Variants in CDH12 observed in about 807,000 individuals in gnomAD.
The protein encoded by CDH12 is cadherin 12.
CDH12 carries 41 observed loss-of-function variants against 74.1 expected under a neutral mutation model. The observed-to-expected ratio is 0.55, with a 90% CI of 0.43 to 0.72. The LOEUF is 0.72. Ranked by LOEUF, CDH12 falls within the 30% of genes least tolerant of loss-of-function variation. CDH12 has a pLI of 0.00. For missense variants in CDH12, 945 were observed against 977.2 expected (o/e 0.97, Z 0.44); for synonymous variants, 399 against 355.0 (o/e 1.12, Z -1.39).
intron 5 of CDH12, among the ~76,000 whole-genome samples, chr5:22,053,145 T>C (rs1164857208): frequency 1.3e-5 from 2 of 152,034 alleles, no homozygotes; most frequent in African/African-American, 4.8e-5. Context: ...TCTGATTTGT[T>C]AAAAATATTT....
rs1441351360 is a variant in CDH12 at position 22,203,352 on chromosome 5, A to C, written c.-187+9146T>G. On this transcript the variant is annotated intron_variant, in intron 4 of 14. Coordinates refer to ENST00000382254, the MANE Select transcript of CDH12 (RefSeq NM_004061.5). ...TGAGTGCAATCATGAGGTATTTGTC[A>C]TTCTGTGTCTGGCTTATTTCACTTA... 5.3e-5 allele frequency among the ~76,000 whole-genome samples: 8 copies of C among 152,178 alleles called. No individual in the cohort carries two copies. In the East Asian group the frequency reaches 1.5e-3, roughly 29 times the overall value.
intron 1 of CDH12, among the ~76,000 whole-genome samples, chr5:22,688,290 T>C (rs540658897): frequency 4.6e-5 from 7 of 152,338 alleles, no homozygotes; most frequent in African/African-American, 1.7e-4. Context: ...AATAAAATCG[T>C]TATTTGCCAA....
At chr5:22,067,563 TCTG>T (rs1741651310) in intron 5 of CDH12, among the ~76,000 whole-genome samples, 1 of 152,128 alleles carries the variant, frequency 6.6e-6, no homozygotes, top group African/African-American at 2.4e-5. Context: ...CGTAGACTGT[TCTG>T]CTGTTTAGGC....
At chr5:21,912,038 G>C (rs1210591983) in intron 6 of CDH12, among the ~76,000 whole-genome samples, 6 of 152,016 alleles carry the variant, frequency 3.9e-5, no homozygotes, top group African/African-American at 1.4e-4. Flanking sequence ...TTTTTGGTTT[G>C]TTTGTGTGTT....
At chr5:21,859,969 T>C (rs1750948301) in intron 6 of CDH12, among the ~76,000 whole-genome samples, 1 of 151,704 alleles carries the variant, frequency 6.6e-6, no homozygotes, top group African/African-American at 2.4e-5. Context: ...GCAGACACAA[T>C]TGGCCCGGAC....
intron 1 of CDH12, among the ~76,000 whole-genome samples, chr5:22,529,887 G>T (rs2126701462): frequency 6.6e-6 from 1 of 152,246 alleles, no homozygotes; most frequent in South Asian, 2.1e-4. Context: ...TGGACCCTCT[G>T]CAGGCTCACA....
chr5:21,763,822 C>A, intron 12 of CDH12, among the ~76,000 whole-genome samples: 1 of 152,184 alleles, frequency 6.6e-6, no homozygotes, highest in East Asian at 1.9e-4. Flanking sequence ...TTGTGGTCTT[C>A]TTTCCTCATA....
intron 1 of CDH12, among the ~76,000 whole-genome samples, chr5:22,533,792 G>T (rs1737701124): frequency 6.6e-6 from 1 of 152,066 alleles, no homozygotes; most frequent in Admixed American, 6.5e-5. Flanking sequence ...AAAACTAAAT[G>T]AAAGCTTTAA....
At chr5:22,755,228 A>C (rs1339813728) in intron 1 of CDH12, among the ~76,000 whole-genome samples, 1 of 152,188 alleles carries the variant, frequency 6.6e-6, no homozygotes, top group Non-Finnish European at 1.5e-5. Flanking sequence ...ATAATTTTCT[A>C]ATATCACTTT....
rs117576937 is a variant in CDH12 at position 22,774,105 on chromosome 5, C to G, written c.-523+78953G>C. 1.8e-4 allele frequency among the ~76,000 whole-genome samples: 28 copies of G among 152,204 alleles called. No individual in the cohort carries two copies. In the East Asian group the frequency reaches 4.5e-3, roughly 24 times the overall value. ...AGGAGTTTGAAAAGGAATTACCATT[C>G]AACCCAGCAATCCTATTACTTGGTA... On this transcript the variant is annotated intron_variant, in intron 1 of 14. Coordinates refer to ENST00000382254, the MANE Select transcript of CDH12 (RefSeq NM_004061.5).
chr5:22,096,600 G>T (rs999499979), intron 4 of CDH12, among the ~76,000 whole-genome samples: 2 of 151,904 alleles, frequency 1.3e-5, no homozygotes, highest in Admixed American at 6.6e-5. Flanking sequence ...GTTTCTTTCC[G>T]CTACTAGCCC....
chr5:22,670,229 G>A (rs1740835698), intron 1 of CDH12, among the ~76,000 whole-genome samples: 1 of 151,978 alleles, frequency 6.6e-6, no homozygotes, highest in South Asian at 2.1e-4. Context: ...TTGTTGCCCA[G>A]GCTGGTCTCA....
chr5:22,656,889 G>A (rs185748008), intron 1 of CDH12, among the ~76,000 whole-genome samples: 1 of 152,084 alleles, frequency 6.6e-6, no homozygotes, highest in Non-Finnish European at 1.5e-5. Flanking sequence ...TCAGGCTGGA[G>A]TGTGTGACAC....
intron 13 of CDH12, among the ~76,000 whole-genome samples, chr5:21,757,631 T>G (rs1353412041): frequency 6.6e-6 from 1 of 152,148 alleles, no homozygotes; most frequent in Non-Finnish European, 1.5e-5. Flanking sequence ...CACCTGAAAT[T>G]TTGTGACAAG....
chr5:22,281,900 C>T (rs572082712), intron 3 of CDH12, among the ~76,000 whole-genome samples: 31 of 152,122 alleles, frequency 2.0e-4, no homozygotes, highest in Admixed American at 1.2e-3. Flanking sequence ...AAACCAAAAA[C>T]GAGCCCGCAT....
At chr5:22,368,429 G>T (rs1333499914) in intron 3 of CDH12, among the ~76,000 whole-genome samples, 3 of 150,824 alleles carry the variant, frequency 2.0e-5, no homozygotes, top group Non-Finnish European at 4.4e-5. Flanking sequence ...CTCCCAAGTT[G>T]CTGGGACTAC....
intron 1 of CDH12, among the ~76,000 whole-genome samples, chr5:22,727,370 CTTATTA>C (rs753864479): frequency 1.3e-5 from 2 of 151,732 alleles, no homozygotes; most frequent in Non-Finnish European, 3.0e-5. Flanking sequence ...CTCCTTCTAT[CTTATTA>C]TTAACTTTTA....
At chr5:21,752,828 G>GA (rs1310647759) in intron 14 of CDH12, among the ~76,000 whole-genome samples, 1 of 151,962 alleles carries the variant, frequency 6.6e-6, no homozygotes, top group Non-Finnish European at 1.5e-5. Context: ...AAGGAGGAAG[G>GA]AAGGAAGGAA....
intron 1 of CDH12, among the ~76,000 whole-genome samples, chr5:22,609,330 A>T (rs545777806): frequency 6.6e-5 from 10 of 152,250 alleles, no homozygotes; most frequent in Non-Finnish European, 8.8e-5. Context: ...CATCCTAGGG[A>T]ATCTCTACTA....
Sources: allele counts gnomAD v4.1 joint callset (sites outside exome capture counted in the v4.1 genomes callset), GRCh38; gene constraint gnomAD v4.1.1; transcripts MANE v1.5; gene names NCBI Gene and HGNC (gene_info 2026-07-23, HGNC 2026-07-21).